The following SLC41A1 variants were observed in gnomAD, a reference collection of about 807,000 sequenced individuals.
SLC41A1 encodes the protein solute carrier family 41 (magnesium transporter), member 1.
SLC41A1 carries 20 observed loss-of-function variants against 47.3 expected under a neutral mutation model. The ratio of observed to expected loss-of-function variants is 0.42; its 90% CI spans 0.30 to 0.61. The LOEUF (loss-of-function observed/expected upper bound fraction) is 0.61. SLC41A1 is among the 20% of genes least tolerant of loss of function. The probability of loss-of-function intolerance (pLI) is 0.17; values close to 1 mark genes in which losing one functional copy is unlikely to be tolerated. For missense variants in SLC41A1, 504 were observed against 674.1 expected (o/e 0.75, Z 2.79); for synonymous variants, 282 against 272.7 (o/e 1.03, Z -0.34).
intron 2 of SLC41A1, among the ~76,000 whole-genome samples, chr1:205,806,537 G>C (rs1256835006): frequency 1.3e-5 from 2 of 152,186 alleles, no homozygotes; most frequent in Admixed American, 6.5e-5. Flanking sequence ...AAGGGAGTGA[G>C]ACATCCGGAG....
At chr1:205,809,961 G>C in intron 2 of SLC41A1, 109 bp downstream of exon 2, 1 of 1,489,552 alleles carries the variant, frequency 6.7e-7, no homozygotes. Context: ...CAGTATTCTA[G>C]GAAGCAGCAG....
chr1:205,794,005 GTAA>G (rs1470915411), intron 10 of SLC41A1, among the ~76,000 whole-genome samples: 3 of 152,188 alleles, frequency 2.0e-5, no homozygotes, highest in Non-Finnish European at 2.9e-5. Flanking sequence ...AATTTAAAAT[GTAA>G]TAATAAGGGT....
At chr1:205,806,717 TC>T (rs1553257891) in intron 2 of SLC41A1, among the ~76,000 whole-genome samples, 1 of 152,186 alleles carries the variant, frequency 6.6e-6, no homozygotes, top group Non-Finnish European at 1.5e-5. Flanking sequence ...GGTCCATTTA[TC>T]CTTTTCCTAC....
intron 4 of SLC41A1, 43 bp from the exon 5 acceptor site, chr1:205,799,144 G>T (rs1655814811): frequency 6.2e-7 from 1 of 1,610,356 alleles, no homozygotes; most frequent in Non-Finnish European, 8.5e-7. Flanking sequence ...GAGAGCAGTG[G>T]GCTTCCTAAG....
Position 205,801,194 on chromosome 1 carries a change from C to T in SLC41A1, c.373-134G>A. On this transcript the variant is annotated intron_variant, in intron 2 of 10. Coordinates refer to ENST00000367137, the MANE Select transcript of SLC41A1 (RefSeq NM_173854.6). ...GGAGTGAGCACGCCAGCCACCTTTCCTCCAAGAACCTTGGAACCAAACCAA... is the reference window on the plus strand; with the variant it reads ...GGAGTGAGCACGCCAGCCACCTTTCTTCCAAGAACCTTGGAACCAAACCAA... The T allele has an allele frequency of 4.2e-6, 3 of 709,670 alleles. No individual in the cohort carries two copies. The South Asian group carries it at 4.8e-5, about 11-fold the overall frequency. The allele number at this position is 709,670 out of a possible 1,614,324, so 44.0% of individuals were successfully genotyped here.
intron 3 of SLC41A1, 111 bp from the exon 4 acceptor site, chr1:205,799,941 A>G: frequency 2.2e-6 from 2 of 904,430 alleles, no homozygotes; most frequent in Non-Finnish European, 3.6e-6. Context: ...TAAGACTCTG[A>G]GAGCAGGACC....
Position 205,810,063 on chromosome 1 carries a change from G to A in SLC41A1, c.372+7C>T. 1 of 1,614,186 alleles carries A rather than the reference G, an allele frequency of 6.2e-7. No individual in the cohort carries two copies. The highest frequency in any genetic ancestry group is 8.5e-7 in the Non-Finnish European group (1 of 1,180,026). On this transcript the variant is annotated splice_region_variant and intron_variant, in intron 2 of 10. Coordinates refer to ENST00000367137, the MANE Select transcript of SLC41A1 (RefSeq NM_173854.6). The surrounding 1 kb of genome is among the most constrained non-coding windows in gnomAD (Gnocchi z 5.5). ...CACAGTCAAGAGCTGCCCTACTCAG[G>A]TCCTACCTGCACGATGTCCAACACC...
chr1:205,806,653 C>A (rs949009599), intron 2 of SLC41A1, among the ~76,000 whole-genome samples: 1 of 152,204 alleles, frequency 6.6e-6, no homozygotes, highest in African/African-American at 2.4e-5. Flanking sequence ...GCCTGCTTCC[C>A]TTCCAGATGC....
rs946098002 is a variant in SLC41A1 at position 205,789,798 on chromosome 1, A to G, written c.*1735T>C. 1 of 152,226 alleles carries G rather than the reference A, an allele frequency of 6.6e-6. No individual in the cohort carries two copies. The highest frequency in any genetic ancestry group is 6.5e-5 in the Admixed American group (1 of 15,286). 9.4% of individuals were successfully genotyped at this position (152,226 alleles called of 1,614,324 possible). On this transcript the variant is annotated 3_prime_UTR_variant, in exon 11 of 11. Transcript: ENST00000367137. ...CTGGGATAAGGTGCAGTGTTGGTAG[A>G]AACAGGATCATTGCCTAAGCCTTCC...
intron 6 of SLC41A1, among the ~76,000 whole-genome samples, 194 bp downstream of exon 6, chr1:205,798,475 T>C (rs1655798432): frequency 6.6e-6 from 1 of 152,176 alleles, no homozygotes; most frequent in Admixed American, 6.5e-5. Context: ...CTGATACTTT[T>C]CCCCTGCCCC....
At position 205,791,734 on chromosome 1, in the gene SLC41A1, G is replaced by C; in HGVS notation, c.1357-16C>G. ...GAATCAGCACCTGGGGAGACAAAAG[G>C]GCCCAGCCTATAGCCATCCTCTCTC... is the stretch of plus-strand genomic sequence containing the variant. On this transcript the variant is annotated splice_polypyrimidine_tract_variant and intron_variant, in intron 10 of 10. Transcript: ENST00000367137. This position sits in a 1 kb window ranked among gnomAD's most constrained non-coding sequence, Gnocchi z 4.0. 1 of 1,612,334 alleles carries C rather than the reference G, an allele frequency of 6.2e-7. No individual in the cohort carries two copies.
In SLC41A1 at chr1:205,795,495, G is replaced by C. The variant is rs376824280; in HGVS notation, c.1073-17C>G. 3.0e-4 allele frequency: 489 copies of C among 1,613,930 alleles called. No homozygotes were observed. The highest frequency in any genetic ancestry group is 3.9e-4 in the Non-Finnish European group (462 of 1,179,994). On this transcript the variant is annotated splice_polypyrimidine_tract_variant and intron_variant, in intron 8 of 10. Transcript: ENST00000367137. Reference sequence around the variant, plus strand: ...CCCCAACACCTGCAGAGACACATACGGGCTTAGACACAGACAGAGGTCAGA... The same window carrying C: ...CCCCAACACCTGCAGAGACACATACCGGCTTAGACACAGACAGAGGTCAGA...
chr1:205,808,989 G>A lies in SLC41A1; in HGVS notation c.372+1081C>T, dbSNP rs185420379. ...CACAGGGAAGGTGATGCTAAGCTTCGTGTCCTTCTGGGAGATATCACAGTC... is the reference window on the plus strand; with the variant it reads ...CACAGGGAAGGTGATGCTAAGCTTCATGTCCTTCTGGGAGATATCACAGTC... On this transcript the variant is annotated intron_variant, in intron 2 of 10. Coordinates refer to ENST00000367137, the MANE Select transcript of SLC41A1 (RefSeq NM_173854.6). Among the ~76,000 whole-genome samples, 160 of 152,288 alleles carry A rather than the reference G, an allele frequency of 1.1e-3. 1 individual carries two copies. The South Asian group carries it at 0.025, about 24-fold the overall frequency.
At chr1:205,799,930 C>G in intron 3 of SLC41A1, 100 bp from the exon 4 acceptor site, 3 of 1,019,686 alleles carry the variant, frequency 2.9e-6, no homozygotes, top group Non-Finnish European at 4.6e-6. Flanking sequence ...TACATGTGGC[C>G]TAAGACTCTG....
rs190815585 is a variant in SLC41A1 at position 205,808,665 on chromosome 1, G to A, written c.372+1405C>T. Among the ~76,000 whole-genome samples, 309 of 152,316 alleles carry A rather than the reference G, an allele frequency of 2.0e-3. 1 individual carries two copies. Among genetic ancestry groups the A allele is most frequent in the African/African-American group, 7.1e-3 (294 of 41,556 alleles). ...TGTCCCAGTCCCGGCCCTAGGGGGA[G>A]GAGCAGCCCCTAGCAGGAGGAACCC... is the stretch of plus-strand genomic sequence containing the variant. On this transcript the variant is annotated intron_variant, in intron 2 of 10. Coordinates refer to ENST00000367137, the MANE Select transcript of SLC41A1 (RefSeq NM_173854.6).
intron 2 of SLC41A1, among the ~76,000 whole-genome samples, chr1:205,807,531 C>T (rs1406853789): frequency 6.6e-6 from 1 of 152,124 alleles, no homozygotes; most frequent in African/African-American, 2.4e-5. Flanking sequence ...GGGGGTCCCT[C>T]CCTACCCCAT....
intron 1 of SLC41A1, among the ~76,000 whole-genome samples, chr1:205,811,397 C>G (rs1656151768): frequency 6.6e-6 from 1 of 152,222 alleles, no homozygotes; most frequent in Non-Finnish European, 1.5e-5. Flanking sequence ...GCACTGTTTC[C>G]TCAGCAACTG....
In SLC41A1 at chr1:205,810,136, T is replaced by A. The variant is rs1656111114; in HGVS notation, c.306A>T (p.Val102=). ...AGCCTGCCAGGAGGAATGGAAACAGTACTTGCAGCCCGATGGAAAAGGAGG... is the reference window on the plus strand; with the variant it reads ...AGCCTGCCAGGAGGAATGGAAACAGAACTTGCAGCCCGATGGAAAAGGAGG... ...KETSFSIGLQ[V]LFPFLLAGFG... Residue 102 remains valine, a synonymous_variant, in exon 2 of 11, where the codon GTA becomes GTT. Coordinates refer to ENST00000367137, the MANE Select transcript of SLC41A1 (RefSeq NM_173854.6). This position sits in a 1 kb window ranked among gnomAD's most constrained non-coding sequence, Gnocchi z 5.5. The A allele has an allele frequency of 6.2e-7, 1 of 1,614,022 alleles. No homozygotes were observed. The highest frequency in any genetic ancestry group is 1.3e-5 in the African/African-American group (1 of 74,928).
At chr1:205,808,899 G>A (rs906957946) in intron 2 of SLC41A1, among the ~76,000 whole-genome samples, 5 of 152,220 alleles carry the variant, frequency 3.3e-5, no homozygotes, top group Non-Finnish European at 5.9e-5. Context: ...AGTCTCCCAG[G>A]ACACAGGCAT....
Sources: allele counts gnomAD v4.1 joint callset (sites outside exome capture counted in the v4.1 genomes callset), GRCh38; gene constraint gnomAD v4.1.1; non-coding constraint Gnocchi (gnomAD v3.1); transcripts MANE v1.5; gene names NCBI Gene and HGNC (gene_info 2026-07-23, HGNC 2026-07-21).